OXNAD1: variants seen among roughly 807,000 people sequenced by gnomAD.
OXNAD1 encodes the protein oxidoreductase NAD binding domain containing 1, also known as oxidoreductase NAD-binding domain-containing protein 1.
A neutral mutation model predicts 32.9 loss-of-function variants in OXNAD1; 34 were observed. The ratio of observed to expected loss-of-function variants is 1.03; its 90% CI spans 0.79 to 1.38. OXNAD1 has a LOEUF of 1.38. Among genes scored for constraint, OXNAD1 ranks in the 40% most tolerant of loss-of-function variants. OXNAD1 has a pLI of 0.00. For missense variants in OXNAD1, 407 were observed against 379.4 expected (o/e 1.07, Z -0.60); for synonymous variants, 134 against 135.2 (o/e 0.99, Z 0.06).
chr3:16,293,595 A>T (rs2066569066), intron 5 of OXNAD1, among the ~76,000 whole-genome samples: 1 of 151,948 alleles, frequency 6.6e-6, no homozygotes, highest in South Asian at 2.1e-4. Flanking sequence ...TTAGGGGGGA[A>T]ACTTTCAGCC....
intron 9 of OXNAD1, among the ~76,000 whole-genome samples, chr3:16,331,070 G>C (rs1466878363): frequency 6.6e-6 from 1 of 152,206 alleles, no homozygotes; most frequent in African/African-American, 2.4e-5. Flanking sequence ...AAAGGTGCTT[G>C]AGACCACTTC....
At position 16,344,817 on chromosome 3, in the gene OXNAD1, AT is replaced by A. The variant is rs1452958445; in HGVS notation, c.*31-4356del. On this transcript the variant is annotated intron_variant, in intron 9 of 9. Coordinates refer to the OXNAD1 transcript ENST00000606098. This position sits in a 1 kb window ranked among gnomAD's most constrained non-coding sequence, Gnocchi z 4.4. ...TGTATTAAAAGCCTTGGCCAGGTGA[AT>A]TTCAAAGAACATATTTCAAGGAGTG... Among the ~76,000 whole-genome samples the A allele has an allele frequency of 6.6e-6, 1 of 152,222 alleles. No individual in the cohort carries two copies. The highest frequency in any genetic ancestry group is 1.5e-5 in the Non-Finnish European group (1 of 68,036).
At position 16,334,069 on chromosome 3, in the gene OXNAD1, G is replaced by C. The variant is rs578085541; in HGVS notation, c.*31-3043G>C. On this transcript the variant is annotated intron_variant, in intron 9 of 9. Coordinates refer to the OXNAD1 transcript ENST00000435829. The surrounding 1 kb of genome is among the most constrained non-coding windows in gnomAD (Gnocchi z 4.3). ...AGTCCCAGCTACTTGGGAGGCTGAG[G>C]CAGGAGAATGGCTTGAACCTAGGAG... Among the ~76,000 whole-genome samples the C allele has an allele frequency of 1.3e-5, 2 of 152,330 alleles. No homozygotes were observed. The highest frequency in any genetic ancestry group is 4.1e-4 in the South Asian group (2 of 4,826).
In OXNAD1 at chr3:16,321,199, C is replaced by G. The variant is rs2069014611; in HGVS notation, c.*31-15913C>G. Among the ~76,000 whole-genome samples the G allele has an allele frequency of 6.6e-6, 1 of 152,052 alleles. No individual in the cohort carries two copies. The highest frequency in any genetic ancestry group is 2.4e-5 in the African/African-American group (1 of 41,368). On this transcript the variant is annotated intron_variant, in intron 9 of 9. Coordinates refer to the OXNAD1 transcript ENST00000435829. This position sits in a 1 kb window ranked among gnomAD's most constrained non-coding sequence, Gnocchi z 4.8. The stretch of plus-strand genomic sequence containing the variant: ...GGGGACAGTCATAGGTTTCCTCGAG[C>G]CACAGGATGGATGGAGCTGGAGTCT...
At position 16,335,248 on chromosome 3, in the gene OXNAD1, G is replaced by C. The variant is rs371439097; in HGVS notation, c.*31-1864G>C. 6.6e-6 allele frequency among the ~76,000 whole-genome samples: 1 copy of C among 152,192 alleles called. No homozygotes were observed. Among genetic ancestry groups the C allele is most frequent in the African/African-American group, 2.4e-5 (1 of 41,448 alleles). On this transcript the variant is annotated intron_variant, in intron 9 of 9. Transcript: ENST00000435829. This position sits in a 1 kb window ranked among gnomAD's most constrained non-coding sequence, Gnocchi z 4.7. ...AGGTGCTGACAGATGCAGGGTAGGT[G>C]AAAACTCCTGGAGGGATGAGGCTGG... is the stretch of plus-strand genomic sequence containing the variant.
Position 16,272,121 on chromosome 3 carries a change from T to C in OXNAD1, c.183+399T>C. The C allele has an allele frequency of 9.1e-6, 4 of 440,106 alleles. 1 individual carries two copies. Among genetic ancestry groups the C allele is most frequent in the South Asian group, 6.8e-5 (4 of 59,118 alleles). 27.3% of individuals were successfully genotyped at this position (440,106 alleles called of 1,614,324 possible). A position where few individuals can be genotyped will look rare whatever the true frequency, so the allele number is the denominator to read the frequency against. On this transcript the variant is annotated intron_variant, in intron 4 of 8. Coordinates refer to ENST00000285083, the MANE Select transcript of OXNAD1 (RefSeq NM_138381.5). ...TTTTTTTTTGCGTCACATCTCAAAG[T>C]TCTTGTTCTCATTCCTGCTTTAGAG...
In OXNAD1 at chr3:16,316,687, A is replaced by AG; in HGVS notation, c.*30+13097dup. On this transcript the variant is annotated intron_variant, in intron 9 of 9. Coordinates refer to the OXNAD1 transcript ENST00000435829. This position sits in a 1 kb window ranked among gnomAD's most constrained non-coding sequence, Gnocchi z 4.5. ...CAGGAACCTGGCCCTGGGAGGGCTC[A>AG]GGTGAGCTCACAAGGAGAGGTCAAG... 1.1e-6 allele frequency: 1 copy of AG among 924,814 alleles called. No individual in the cohort carries two copies. Among genetic ancestry groups the AG allele is most frequent in the Non-Finnish European group, 1.7e-6 (1 of 588,806 alleles). 57.3% of individuals were successfully genotyped at this position (924,814 alleles called of 1,614,324 possible). A position where few individuals can be genotyped will look rare whatever the true frequency, so the allele number is the denominator to read the frequency against.
chr3:16,351,695 A>G (rs2072113723), downstream of OXNAD1, among the ~76,000 whole-genome samples: 1 of 152,170 alleles, frequency 6.6e-6, no homozygotes, highest in East Asian at 1.9e-4. The surrounding 1 kb of genome is among the most constrained non-coding windows in gnomAD (Gnocchi z 5.4). Flanking sequence ...TATAAGTTAG[A>G]CCCATTATCC....
rs1205797935 is a variant in OXNAD1 at position 16,297,945 on chromosome 3, T to C, written c.432+2948T>C. 6.6e-6 allele frequency among the ~76,000 whole-genome samples: 1 copy of C among 152,198 alleles called. No individual in the cohort carries two copies. Among genetic ancestry groups the C allele is most frequent in the Non-Finnish European group, 1.5e-5 (1 of 68,038 alleles). ...ATGTGTGTTAAAATTCATAGAACCG[T>C]ATACCAAAAGAAAAAGATTTCTATT... On this transcript the variant is annotated intron_variant, in intron 6 of 8. Transcript: ENST00000285083. The surrounding 1 kb of genome is among the most constrained non-coding windows in gnomAD (Gnocchi z 4.3).
intron 2 of OXNAD1, among the ~76,000 whole-genome samples, chr3:16,269,532 C>A (rs2064784106): frequency 6.6e-6 from 1 of 152,110 alleles, no homozygotes; most frequent in Non-Finnish European, 1.5e-5. Context: ...TGGGTATAAC[C>A]AAATAAACTG....
In OXNAD1 at chr3:16,336,597, T is replaced by C. The variant is rs1024045403; in HGVS notation, c.*31-515T>C. On this transcript the variant is annotated intron_variant, in intron 9 of 9. Transcript: ENST00000435829. The surrounding 1 kb of genome is among the most constrained non-coding windows in gnomAD (Gnocchi z 6.0). ...CTGATATGTAATCAGGACAACATAA[T>C]AGAGTCTGAGAGAGCAGTCTTCTCA... Among the ~76,000 whole-genome samples, 14 of 152,226 alleles carry C rather than the reference T, an allele frequency of 9.2e-5. No individual in the cohort carries two copies. The highest frequency in any genetic ancestry group is 2.0e-4 in the Admixed American group (3 of 15,284).
In OXNAD1 at chr3:16,288,904, GGTGCTCACT is replaced by G. The variant is rs1347633730; in HGVS notation, c.290+2458_290+2466del. Among the ~76,000 whole-genome samples the G allele has an allele frequency of 6.6e-6, 1 of 152,192 alleles. No homozygotes were observed. Among genetic ancestry groups the G allele is most frequent in the Non-Finnish European group, 1.5e-5 (1 of 68,042 alleles). ...AGTTTCTAGATTCACATTTGGCTGT[GGTGCTCACT>G]GCCTGCCTCTGGCATTGGTTATGCT... On this transcript the variant is annotated intron_variant, in intron 5 of 8. Transcript: ENST00000285083. The surrounding 1 kb of genome is among the most constrained non-coding windows in gnomAD (Gnocchi z 5.1).
At chr3:16,270,783 T>A (rs2064869485) in intron 2 of OXNAD1, 162 bp from the exon 3 acceptor site, 5 of 933,474 alleles carry the variant, frequency 5.4e-6, no homozygotes, top group Middle Eastern at 3.2e-4. Flanking sequence ...GTGGCAGAAA[T>A]TTTGTCAAGG....
downstream of OXNAD1, among the ~76,000 whole-genome samples, chr3:16,307,915 G>C (rs148078627): frequency 0.031 from 4,725 of 152,132 alleles, 103 homozygotes; most frequent in Middle Eastern, 0.082. Flanking sequence ...AGTTTGTTCT[G>C]TTTTTTTAAG....
chr3:16,278,307 C>A (rs112124612), intron 4 of OXNAD1, among the ~76,000 whole-genome samples: 1 of 152,120 alleles, frequency 6.6e-6, no homozygotes, highest in Non-Finnish European at 1.5e-5. Context: ...CTTTTAGAAG[C>A]CTGTGTCTTT....
At chr3:16,274,478 A>G (rs1252446674) in intron 4 of OXNAD1, among the ~76,000 whole-genome samples, 2 of 152,224 alleles carry the variant, frequency 1.3e-5, no homozygotes, top group East Asian at 1.9e-4. Flanking sequence ...CCAAAAGGTC[A>G]GGCAACACAG....
chr3:16,342,242 GTC>G (rs1478152165), downstream of OXNAD1, among the ~76,000 whole-genome samples: 3 of 150,628 alleles, frequency 2.0e-5, no homozygotes, highest in South Asian at 2.1e-4. The surrounding 1 kb of genome is among the most constrained non-coding windows in gnomAD (Gnocchi z 4.0). Flanking sequence ...TCCACTTTTT[GTC>G]TCTATGCACT....
Position 16,316,486 on chromosome 3 carries a change from C to A in OXNAD1, c.*30+12894C>A. ...TGTCCATGGATTTGACCCGAATGCT[C>A]CCTGGAGGCCCTGTGGCGAGGACAG... On this transcript the variant is annotated intron_variant, in intron 9 of 9. Transcript: ENST00000435829. This position sits in a 1 kb window ranked among gnomAD's most constrained non-coding sequence, Gnocchi z 4.5. 1 of 333,112 alleles carries A rather than the reference C, an allele frequency of 3.0e-6. No individual in the cohort carries two copies. The highest frequency in any genetic ancestry group is 5.6e-6 in the Non-Finnish European group (1 of 178,824). The allele number at this position is 333,112 out of a possible 1,614,324, so 20.6% of individuals were successfully genotyped here.
chr3:16,293,401 A>C (rs926651950), intron 5 of OXNAD1, among the ~76,000 whole-genome samples: 4 of 152,234 alleles, frequency 2.6e-5, no homozygotes, highest in Non-Finnish European at 5.9e-5. Flanking sequence ...TGAATTTATT[A>C]GTTCTAATAT....
Sources: allele counts gnomAD v4.1 joint callset (sites outside exome capture counted in the v4.1 genomes callset), GRCh38; gene constraint gnomAD v4.1.1; non-coding constraint Gnocchi (gnomAD v3.1); transcripts MANE v1.5; gene names NCBI Gene and HGNC (gene_info 2026-07-23, HGNC 2026-07-21).